The following MAST2 variants were observed in gnomAD, a reference collection of about 807,000 sequenced individuals.
MAST2 encodes microtubule associated serine/threonine kinase 2.
In MAST2, 70 loss-of-function variants were observed where a neutral mutation model predicts 147.4. The ratio of observed to expected loss-of-function variants is 0.47; its 90% CI spans 0.39 to 0.58. The LOEUF (loss-of-function observed/expected upper bound fraction) is 0.58, where lower values mean the gene tolerates loss of function less well. Ranked by LOEUF, MAST2 falls within the 20% of genes least tolerant of loss-of-function variation. The pLI is 0.00. For synonymous variants in MAST2, 869 were observed against 896.8 expected (o/e 0.97, Z 0.55); for missense variants, 2,080 against 2,302.3 (o/e 0.90, Z 1.98).
At chr1:45,906,996 G>A (rs370378520) in intron 4 of MAST2, among the ~76,000 whole-genome samples, 17 of 152,262 alleles carry the variant, frequency 1.1e-4, no homozygotes, top group African/African-American at 4.1e-4. Context: ...ATGCTATACA[G>A]GTTTGCGGCC....
intron 5 of MAST2, among the ~76,000 whole-genome samples, chr1:45,960,121 A>T (rs964918244): frequency 6.6e-6 from 1 of 152,150 alleles, no homozygotes; most frequent in African/African-American, 2.4e-5. Context: ...AATTAAAGCA[A>T]ATGACCTCAT....
intron 4 of MAST2, among the ~76,000 whole-genome samples, chr1:45,936,203 A>G (rs1656164578): frequency 6.6e-6 from 1 of 152,172 alleles, no homozygotes. Flanking sequence ...CTTGGACGTC[A>G]TTGGAGTGTA....
At chr1:45,809,346 A>C (rs1245397520) in intron 1 of MAST2, among the ~76,000 whole-genome samples, 1 of 152,206 alleles carries the variant, frequency 6.6e-6, no homozygotes, top group African/African-American at 2.4e-5. Flanking sequence ...CTCAAATGCC[A>C]CAGAAACTTC....
intron 4 of MAST2, among the ~76,000 whole-genome samples, chr1:45,911,411 A>G (rs575951354): frequency 3.9e-5 from 6 of 152,316 alleles, no homozygotes; most frequent in Non-Finnish European, 8.8e-5. Context: ...TCCTCCACCC[A>G]AGGAGTACTG....
intron 5 of MAST2, among the ~76,000 whole-genome samples, chr1:45,985,996 T>C (rs1433278489): frequency 6.6e-6 from 1 of 152,222 alleles, no homozygotes; most frequent in African/African-American, 2.4e-5. Context: ...TTCTGTTGTA[T>C]TTTCTGGAGA....
chr1:45,830,895 G>C (rs376556987), intron 3 of MAST2, among the ~76,000 whole-genome samples: 19 of 151,984 alleles, frequency 1.3e-4, no homozygotes, highest in Middle Eastern at 6.8e-3. Flanking sequence ...AATTAGCCGA[G>C]GATGGTGGGG....
chr1:45,990,335 T>C (rs1571099698), intron 5 of MAST2, among the ~76,000 whole-genome samples: 1 of 152,264 alleles, frequency 6.6e-6, no homozygotes, highest in East Asian at 1.9e-4. Context: ...GCTATCTGTA[T>C]ATCTTTGGTG....
intron 4 of MAST2, among the ~76,000 whole-genome samples, chr1:45,897,878 G>A (rs1293833938): frequency 6.6e-6 from 1 of 151,988 alleles, no homozygotes; most frequent in African/African-American, 2.4e-5. Context: ...GCCAAGGCAG[G>A]CAGATCACCT....
chr1:46,034,215 C>T lies in MAST2; in HGVS notation c.3817C>T (p.Pro1273Ser), dbSNP rs867975233. Residue 1273 changes from proline (P) to serine (S), a missense_variant, in exon 28 of 29, where the codon CCC (proline) becomes TCC (serine). Pro to Ser is a moderately conservative substitution (Grantham distance 74, BLOSUM62 -1). This residue lies in a region of MAST2 where 1,278 missense variants were observed against 1,304.2 expected (regional missense o/e 0.98). Coordinates refer to ENST00000361297, the MANE Select transcript of MAST2 (RefSeq NM_015112.3). Reference protein sequence around the residue: ...GSPTHSHSLSPRSPTQGYRVT... With the variant: ...GSPTHSHSLSSRSPTQGYRVT... ...TCCCACACACAGCCACAGCCTTTCC[C>T]CCCGATCTCCCACTCAAGGCTACCG... The T allele has an allele frequency of 6.8e-6, 11 of 1,613,966 alleles. No individual in the cohort carries two copies. Among genetic ancestry groups the T allele is most frequent in the Non-Finnish European group, 9.3e-6 (11 of 1,179,992 alleles).
chr1:46,000,414 A>G (rs939573890), intron 6 of MAST2, among the ~76,000 whole-genome samples: 1 of 152,218 alleles, frequency 6.6e-6, no homozygotes, highest in Admixed American at 6.5e-5. Context: ...AGCAGCTGCC[A>G]TGTTAGGTGC....
chr1:45,845,397 G>A (rs1645399583), intron 3 of MAST2, among the ~76,000 whole-genome samples: 1 of 151,908 alleles, frequency 6.6e-6, no homozygotes, highest in Admixed American at 6.6e-5. Flanking sequence ...AAAAAGTTAT[G>A]ATACTTTAAA....
intron 8 of MAST2, 88 bp downstream of exon 8, chr1:46,006,483 G>A (rs1476562171): frequency 8.0e-7 from 1 of 1,256,214 alleles, no homozygotes; most frequent in Non-Finnish European, 1.1e-6. Flanking sequence ...TGCTATAAGG[G>A]GCCAAGATAG....
chr1:45,983,602 C>G (rs1008637380), intron 5 of MAST2, among the ~76,000 whole-genome samples: 1 of 151,900 alleles, frequency 6.6e-6, no homozygotes, highest in Non-Finnish European at 1.5e-5. Flanking sequence ...AGCAGTCCTC[C>G]CACCTCAGCC....
chr1:45,960,695 G>C (rs992253952), intron 5 of MAST2, among the ~76,000 whole-genome samples: 1 of 152,128 alleles, frequency 6.6e-6, no homozygotes, highest in African/African-American at 2.4e-5. Flanking sequence ...CAGCACTTCT[G>C]TGCAGTTCAT....
intron 5 of MAST2, 136 bp downstream of exon 5, chr1:45,959,613 A>T: frequency 1.4e-6 from 1 of 694,118 alleles, no homozygotes; most frequent in Non-Finnish European, 2.4e-6. Context: ...GACAGAGCTC[A>T]TGGGCTTGCT....
At chr1:45,948,008 G>A (rs915694635) in intron 4 of MAST2, among the ~76,000 whole-genome samples, 5 of 152,220 alleles carry the variant, frequency 3.3e-5, no homozygotes, top group African/African-American at 7.2e-5. Flanking sequence ...GAGCCACTGC[G>A]CCTGGCCCCA....
chr1:46,006,600 G>GAA, intron 8 of MAST2: 45 of 321,826 alleles, frequency 1.4e-4, no homozygotes, highest in East Asian at 1.5e-4. Context: ...ATTTACAAAA[G>GAA]AAAAAAAAAA....
chr1:45,894,383 G>A (rs963339377), intron 4 of MAST2, among the ~76,000 whole-genome samples: 2 of 151,948 alleles, frequency 1.3e-5, no homozygotes, highest in Non-Finnish European at 2.9e-5. Context: ...CCGAAGTGAC[G>A]GTAAAACATT....
At chr1:45,974,422 C>A (rs752594093) in intron 5 of MAST2, among the ~76,000 whole-genome samples, 5 of 152,056 alleles carry the variant, frequency 3.3e-5, no homozygotes, top group African/African-American at 9.7e-5. Context: ...ATGGTGAAAC[C>A]CCATCTCTAC....
Sources: allele counts gnomAD v4.1 joint callset (sites outside exome capture counted in the v4.1 genomes callset), GRCh38; gene constraint gnomAD v4.1.1; regional missense constraint gnomAD v4.1.1; transcripts MANE v1.5; gene names NCBI Gene and HGNC (gene_info 2026-07-23, HGNC 2026-07-21).